FBXL2: variants seen among roughly 807,000 people sequenced by gnomAD.
FBXL2 encodes the protein F-box and leucine rich repeat protein 2, also known as F-box/LRR-repeat protein 2.
A neutral mutation model predicts 69.2 loss-of-function variants in FBXL2; 38 were observed. The ratio of observed to expected loss-of-function variants is 0.55; its 90% CI spans 0.42 to 0.72. FBXL2 has a LOEUF of 0.72. Among genes scored for constraint, FBXL2 ranks in the 30% least tolerant of loss-of-function variants. The probability of loss-of-function intolerance (pLI) is 0.00; values close to 1 mark genes in which losing one functional copy is unlikely to be tolerated. For missense variants in FBXL2, 354 were observed against 520.3 expected (o/e 0.68, Z 3.11); for synonymous variants, 192 against 201.3 (o/e 0.95, Z 0.39).
At chr3:33,421,593 C>T in the FBXL2 span, among the ~76,000 whole-genome samples, 14 of 152,126 alleles carry the variant, frequency 9.2e-5, no homozygotes, top group Non-Finnish European at 1.8e-4. Context: ...AGTTTTTAAA[C>T]TCAGTCCCTC....
chr3:33,303,039 T>G (rs561128576), intron 2 of FBXL2: 3 of 456,546 alleles, frequency 6.6e-6, no homozygotes, highest in African/African-American at 6.0e-5. Flanking sequence ...ATGGGTCTCA[T>G]TGAGTAGGTC....
intron 2 of FBXL2, among the ~76,000 whole-genome samples, chr3:33,319,882 A>G (rs1439194549): frequency 1.3e-5 from 2 of 152,230 alleles, no homozygotes; most frequent in African/African-American, 4.8e-5. Flanking sequence ...TCAGACATCC[A>G]AAAAATATGT....
At chr3:33,282,348 G>T (rs934955603) in intron 1 of FBXL2, among the ~76,000 whole-genome samples, 23 of 152,300 alleles carry the variant, frequency 1.5e-4, no homozygotes, top group Admixed American at 9.8e-4. Flanking sequence ...TCAAAGATCA[G>T]ATGTTTGTAG....
At chr3:33,381,633 A>T (rs972326338) in intron 13 of FBXL2, among the ~76,000 whole-genome samples, 1 of 145,234 alleles carries the variant, frequency 6.9e-6, no homozygotes, top group Non-Finnish European at 1.5e-5. Context: ...TCAAAAAAAA[A>T]TAAATAAAAA....
intron 12 of FBXL2, chr3:33,401,165 A>G (rs746138323): frequency 4.8e-6 from 3 of 630,580 alleles, no homozygotes; most frequent in Non-Finnish European, 7.8e-6. Flanking sequence ...ACAAAATGCA[A>G]GCGCAACAGC....
intron 2 of FBXL2, among the ~76,000 whole-genome samples, chr3:33,324,024 T>C (rs935871494): frequency 1.3e-5 from 2 of 152,224 alleles, no homozygotes; most frequent in African/African-American, 4.8e-5. Flanking sequence ...TAGTATCTCA[T>C]TGTGGTTTTG....
chr3:33,368,116 CCAGT>C (rs1362246153), intron 5 of FBXL2, among the ~76,000 whole-genome samples: 1 of 152,116 alleles, frequency 6.6e-6, no homozygotes, highest in African/African-American at 2.4e-5. Flanking sequence ...TGTTTTGTGG[CCAGT>C]AATATGGCCA....
chr3:33,356,038 A>G (rs1345780402), intron 2 of FBXL2, among the ~76,000 whole-genome samples: 1 of 152,282 alleles, frequency 6.6e-6, no homozygotes, highest in Middle Eastern at 3.4e-3. Flanking sequence ...TTCATTCAGT[A>G]ATCATAAAAC....
chr3:33,387,045 T>TAA lies in FBXL2; in HGVS notation c.*1438_*1439dup, dbSNP rs963216520. The stretch of plus-strand genomic sequence containing the variant: ...AAGAGAAGCAGATTATATATATATA[T>TAA]AATCTCCCCATAAACGGACTTAGCA... On this transcript the variant is annotated 3_prime_UTR_variant, in exon 15 of 15. Coordinates refer to ENST00000484457, the MANE Select transcript of FBXL2 (RefSeq NM_012157.5). The TAA allele has an allele frequency of 5.9e-5, 9 of 152,184 alleles. No individual in the cohort carries two copies. Among genetic ancestry groups the TAA allele is most frequent in the Non-Finnish European group, 8.8e-5 (6 of 68,012 alleles). The allele number at this position is 152,184 out of a possible 1,614,324, so 9.4% of individuals were successfully genotyped here.
At chr3:33,403,046 G>A (rs1288556571) in intron 12 of FBXL2, 2 of 748,608 alleles carry the variant, frequency 2.7e-6, no homozygotes, top group African/African-American at 1.8e-5. Flanking sequence ...ACAGACACAT[G>A]TCAAATTTAC....
chr3:33,385,233 G>C (rs1305795944), intron 14 of FBXL2, among the ~76,000 whole-genome samples: 1 of 152,162 alleles, frequency 6.6e-6, no homozygotes, highest in Non-Finnish European at 1.5e-5. Context: ...TACAGCTGTA[G>C]AGAACATTCA....
intron 11 of FBXL2, among the ~76,000 whole-genome samples, 158 bp from the exon 12 acceptor site, chr3:33,377,945 C>G (rs1199034287): frequency 6.6e-6 from 1 of 152,206 alleles, no homozygotes; most frequent in Non-Finnish European, 1.5e-5. Flanking sequence ...GGCAGCTGTT[C>G]AGAAGTGCTG....
intron 1 of FBXL2, among the ~76,000 whole-genome samples, chr3:33,294,843 C>CAAA (rs372010327): frequency 3.3e-5 from 3 of 91,334 alleles, no homozygotes; most frequent in Non-Finnish European, 4.6e-5. Context: ...ACCCTGTTTC[C>CAAA]AAAAAAAAAA....
At chr3:33,414,278 AAGAGAGGGAGGAGGGCGGG>A in the FBXL2 span, 1 of 152,118 alleles carries the variant, frequency 6.6e-6, no homozygotes. Flanking sequence ...AAGAAAAAGA[AAGAGAGGGAGGAGGGCGGG>A]AGAGAGGAAA....
chr3:33,396,005 C>G (rs1300147778), intron 12 of FBXL2, among the ~76,000 whole-genome samples: 1 of 152,206 alleles, frequency 6.6e-6, no homozygotes, highest in African/African-American at 2.4e-5. Context: ...GGACTTCACC[C>G]TAGAGCTGCC....
chr3:33,378,667 C>G lies in FBXL2; in HGVS notation c.895-18C>G. On this transcript the variant is annotated intron_variant, in intron 12 of 14. Transcript: ENST00000484457. ...TTCTGGTGTAGAAGCCACACTGACA[C>G]AGCATGTTTCTCTCCAGATAACCGA... is the stretch of plus-strand genomic sequence containing the variant. 1.2e-6 allele frequency: 2 copies of G among 1,609,160 alleles called. No homozygotes were observed. The highest frequency in any genetic ancestry group is 1.1e-5 in the South Asian group (1 of 89,620).
rs2042448610 is a variant in FBXL2, at chr3:33,373,723, A to G, written c.582+19A>G. On this transcript the variant is annotated intron_variant, in intron 8 of 14. Coordinates refer to ENST00000484457, the MANE Select transcript of FBXL2 (RefSeq NM_012157.5). ...CACACAGGTACCAGAGGGTTGATAC[A>G]GCTGTTTGTGTTATGTGTCAGGTGT... The G allele has an allele frequency of 6.2e-7, 1 of 1,614,006 alleles. No homozygotes were observed. Among genetic ancestry groups the G allele is most frequent in the African/African-American group, 1.3e-5 (1 of 74,906 alleles).
rs548039272 is a variant in FBXL2, at chr3:33,331,705, A to G, written c.66-27262A>G. On this transcript the variant is annotated intron_variant, in intron 2 of 14. Transcript: ENST00000484457. ...AAACTAAGATTCCTGAGCTTTCCAC[A>G]CCTCACTAATCGGATGAAAATGAGA... Among the ~76,000 whole-genome samples the G allele has an allele frequency of 1.3e-4, 20 of 152,318 alleles. No homozygotes were observed. In the East Asian group the frequency reaches 3.3e-3, roughly 25 times the overall value.
the FBXL2 span, among the ~76,000 whole-genome samples, chr3:33,415,780 G>T: frequency 6.6e-6 from 1 of 150,954 alleles, no homozygotes; most frequent in Admixed American, 6.6e-5. Flanking sequence ...AACAAAGAAA[G>T]ACAAAAACAG....
Sources: gnomAD v4.1 joint callset for allele counts (sites outside exome capture counted in the v4.1 genomes callset) on GRCh38, gnomAD v4.1.1 for gene constraint, MANE v1.5 for transcripts, NCBI Gene and HGNC (gene_info 2026-07-23, HGNC 2026-07-21) for gene names.